The following KDM7A variants were observed in gnomAD, a reference collection of about 807,000 sequenced individuals.
KDM7A encodes the protein lysine demethylase 7A, also known as lysine-specific demethylase 7A.
Under a neutral mutation model 114.8 loss-of-function variants are expected in KDM7A, and 28 were observed. The ratio of observed to expected loss-of-function variants is 0.24; its 90% CI spans 0.18 to 0.33. The LOEUF is 0.33. Ranked by LOEUF, KDM7A falls within the 10% of genes least tolerant of loss-of-function variation. The pLI, the probability that KDM7A is intolerant of heterozygous loss-of-function variation, is 1.00. For synonymous variants in KDM7A, 423 were observed against 397.8 expected (o/e 1.06, Z -0.75); for missense variants, 942 against 1,142.5 (o/e 0.82, Z 2.53).
rs34647950 is a variant in KDM7A, at chr7:140,157,971, A to AAAAT, written c.194+18769_194+18772dup. ...GCCACAGAGCAAGACTCCGTCTCAA[A>AAAAT]AAATAAATAAATAAATAAATAAATA... On this transcript the variant is annotated intron_variant, in intron 1 of 19. Transcript: ENST00000397560. Among the ~76,000 whole-genome samples, 412 of 143,768 alleles carry AAAAT rather than the reference A, an allele frequency of 2.9e-3. 3 individuals are homozygous for AAAAT. Among genetic ancestry groups the AAAAT allele is most frequent in the African/African-American group, 8.4e-3 (325 of 38,558 alleles). 94.3% of individuals were successfully genotyped at this position (143,768 alleles called of 152,430 possible).
At chr7:140,141,668 CG>C (rs1794279340) in intron 1 of KDM7A, among the ~76,000 whole-genome samples, 1 of 151,694 alleles carries the variant, frequency 6.6e-6, no homozygotes, top group Non-Finnish European at 1.5e-5. Context: ...CCGAGGTGGG[CG>C]GATCACTTGA....
intron 1 of KDM7A, among the ~76,000 whole-genome samples, chr7:140,155,416 T>C (rs17192222): frequency 0.073 from 11,128 of 152,290 alleles, 487 homozygotes; most frequent in Non-Finnish European, 0.11. Context: ...ACAAGCACTC[T>C]GATTTCAAAA....
intron 1 of KDM7A, among the ~76,000 whole-genome samples, chr7:140,153,259 G>A (rs935348894): frequency 7.3e-5 from 11 of 151,676 alleles, no homozygotes; most frequent in African/African-American, 2.2e-4. Context: ...AGGCCGAGGC[G>A]GGCGGATCAC....
intron 18 of KDM7A, among the ~76,000 whole-genome samples, chr7:140,092,374 C>A (rs760760598): frequency 5.2e-4 from 79 of 152,240 alleles, no homozygotes; most frequent in Non-Finnish European, 9.8e-4. Flanking sequence ...CATGCCAACG[C>A]AGGGACCCTG....
At chr7:140,174,273 A>G (rs78858897) in intron 1 of KDM7A, among the ~76,000 whole-genome samples, 2,148 of 152,352 alleles carry the variant, frequency 0.014, 19 homozygotes, top group Middle Eastern at 0.034. Context: ...TCTGAACCAC[A>G]TAAGTTTCAA....
Position 140,176,086 on chromosome 7 carries a change from G to A in KDM7A, c.194+658C>T, listed in dbSNP as rs1438332008. ...CCCGGCACCTTTCAAGTCCCCGAGA[G>A]CGAGTGCCTCATCTGTTGCTCTGTT... On this transcript the variant is annotated intron_variant, in intron 1 of 19. Coordinates refer to ENST00000397560, the MANE Select transcript of KDM7A (RefSeq NM_030647.2). This position sits in a 1 kb window ranked among gnomAD's most constrained non-coding sequence, Gnocchi z 4.4. Among the ~76,000 whole-genome samples, 1 of 151,964 alleles carries A rather than the reference G, an allele frequency of 6.6e-6. No homozygotes were observed. Among genetic ancestry groups the A allele is most frequent in the Admixed American group, 6.5e-5 (1 of 15,298 alleles).
chr7:140,102,146 T>C lies in KDM7A; in HGVS notation c.1443A>G (p.Lys481=). Residue 481 remains lysine (K), a synonymous_variant, in exon 12 of 20, where the codon AAA becomes AAG. Coordinates refer to ENST00000397560, the MANE Select transcript of KDM7A (RefSeq NM_030647.2). ...VIRAIEEENG[K]PVKSQGIPIV... ...TAGGAATTCCCTGAGATTTAACTGG[T>C]TTGCCGTTTTCCTCCTTTAAGAATT... The C allele has an allele frequency of 1.2e-6, 2 of 1,613,558 alleles. No homozygotes were observed. The highest frequency in any genetic ancestry group is 1.7e-6 in the Non-Finnish European group (2 of 1,179,506).
chr7:140,149,474 G>A (rs1372212026), intron 1 of KDM7A, among the ~76,000 whole-genome samples: 6 of 152,248 alleles, frequency 3.9e-5, no homozygotes, highest in African/African-American at 1.2e-4. Context: ...TAAAGAAGGA[G>A]GAGGTGCTTT....
intron 9 of KDM7A, among the ~76,000 whole-genome samples, chr7:140,118,748 C>T (rs1818572524): frequency 6.6e-6 from 1 of 151,984 alleles, no homozygotes. Context: ...ATTTTGGGAA[C>T]ATATAATAGG....
rs73734796 is a variant in KDM7A, at chr7:140,088,949, C to T, written c.*2145G>A. 2,146 of 152,418 alleles carry T rather than the reference C, an allele frequency of 0.014. 55 individuals carry two copies. Among genetic ancestry groups the T allele is most frequent in the African/African-American group, 0.047 (1,936 of 41,338 alleles). 9.4% of individuals were successfully genotyped at this position (152,418 alleles called of 1,614,324 possible). On this transcript the variant is annotated 3_prime_UTR_variant, in exon 20 of 20. Coordinates refer to ENST00000397560, the MANE Select transcript of KDM7A (RefSeq NM_030647.2). ...GAAAATACTCAAGAGCTGTGAAAAA[C>T]GTAAAGGAAAAAAGAAAACCCAGAT...
chr7:140,176,729 A>G lies in KDM7A; in HGVS notation c.194+15T>C, dbSNP rs1386617191. On this transcript the variant is annotated intron_variant, in intron 1 of 19. Coordinates refer to ENST00000397560, the MANE Select transcript of KDM7A (RefSeq NM_030647.2). This position sits in a 1 kb window ranked among gnomAD's most constrained non-coding sequence, Gnocchi z 4.4. ...CCGGCGGTGGCGGCTGCGGGGCTGG[A>G]GGGGGTTTATTTACCTGCCGTGGAA... 2.3e-6 allele frequency: 3 copies of G among 1,291,994 alleles called. No homozygotes were observed. Among genetic ancestry groups the G allele is most frequent in the East Asian group, 4.4e-5 (1 of 22,762 alleles). The allele number at this position is 1,291,994 out of a possible 1,614,324, so 80.0% of individuals were successfully genotyped here. A position where few individuals can be genotyped will look rare whatever the true frequency, so the allele number is the denominator to read the frequency against.
At position 140,092,420 on chromosome 7, in the gene KDM7A, C is replaced by T. The variant is rs80303801; in HGVS notation, c.2458-343G>A. ...ATGGATCGATCTCCCACTTCCCTGG[C>T]AAGTCACAGCTCCCTTGGACCTCTC... On this transcript the variant is annotated intron_variant, in intron 18 of 19. Coordinates refer to ENST00000397560, the MANE Select transcript of KDM7A (RefSeq NM_030647.2). Among the ~76,000 whole-genome samples the T allele has an allele frequency of 8.5e-5, 13 of 152,320 alleles. No homozygotes were observed. The East Asian group carries it at 1.9e-3, about 23-fold the overall frequency.
At chr7:140,138,238 G>C (rs1483625139) in intron 2 of KDM7A, among the ~76,000 whole-genome samples, 1 of 151,968 alleles carries the variant, frequency 6.6e-6, no homozygotes, top group Non-Finnish European at 1.5e-5. Context: ...AGCCCAGGAA[G>C]TCAAGGCTGC....
rs554654648 is a variant in KDM7A, at chr7:140,085,787, T to C, written c.*5307A>G. The C allele has an allele frequency of 6.6e-6, 1 of 152,328 alleles. No individual in the cohort carries two copies. Among genetic ancestry groups the C allele is most frequent in the South Asian group, 2.1e-4 (1 of 4,826 alleles). The allele number at this position is 152,328 out of a possible 1,614,324, so 9.4% of individuals were successfully genotyped here. A position where few individuals can be genotyped will look rare whatever the true frequency, so the allele number is the denominator to read the frequency against. ...TTACACCTCAGGTCCCTGACTGTAATGTGGAAGTTATACGTAGCTCTGTAA... is the reference window on the plus strand; with the variant it reads ...TTACACCTCAGGTCCCTGACTGTAACGTGGAAGTTATACGTAGCTCTGTAA... On this transcript the variant is annotated 3_prime_UTR_variant, in exon 20 of 20. Coordinates refer to ENST00000397560, the MANE Select transcript of KDM7A (RefSeq NM_030647.2).
rs1817895167 is a variant in KDM7A, at chr7:140,084,815, C to G, written c.*6279G>C. On this transcript the variant is annotated 3_prime_UTR_variant, in exon 20 of 20. Coordinates refer to ENST00000397560, the MANE Select transcript of KDM7A (RefSeq NM_030647.2). ...ATACAATTTTCAACATTTATACTTT[C>G]AAACAAAATGAGCAAAAAATACACT... The G allele has an allele frequency of 1.3e-5, 2 of 152,058 alleles. No individual in the cohort carries two copies. The highest frequency in any genetic ancestry group is 6.6e-5 in the Admixed American group (1 of 15,266). The allele number at this position is 152,058 out of a possible 1,614,324, so 9.4% of individuals were successfully genotyped here. A position where few individuals can be genotyped will look rare whatever the true frequency, so the allele number is the denominator to read the frequency against.
chr7:140,150,086 C>T (rs1032122056), intron 1 of KDM7A, among the ~76,000 whole-genome samples: 3 of 152,148 alleles, frequency 2.0e-5, no homozygotes, highest in Admixed American at 2.0e-4. Flanking sequence ...TTCCCACCTC[C>T]CTTAACACTA....
intron 1 of KDM7A, among the ~76,000 whole-genome samples, chr7:140,174,625 G>T (rs969213252): frequency 1.3e-5 from 2 of 151,500 alleles, no homozygotes; most frequent in Non-Finnish European, 2.9e-5. Flanking sequence ...TTTTTGAGAC[G>T]GAGTCTCACT....
In KDM7A at chr7:140,129,502, G is replaced by A. The variant is rs1451814847; in HGVS notation, c.550C>T (p.Arg184Cys). Residue 184 changes from arginine (R) to cysteine (C), a missense_variant, in exon 4 of 20, where the codon CGT (arginine) becomes TGT (cysteine). Around this residue, in one of 4 missense-constraint regions of KDM7A, gnomAD observed 318 missense variants for 453.1 expected, o/e 0.70. Transcript: ENST00000397560. ...SPTFSVMDVE[R>C]YVGGDKVIDV... is the part of the protein sequence containing the mutation. ...GAAATAAAGTTCGTACCTACATAAC[G>A]TTCCACATCCATCACAGAAAATGTA... is the stretch of plus-strand genomic sequence containing the variant. 8.1e-6 allele frequency: 13 copies of A among 1,612,772 alleles called. No homozygotes were observed. In the East Asian group the frequency reaches 8.9e-5, roughly 11 times the overall value.
chr7:140,093,654 T>C (rs950959529), intron 18 of KDM7A, among the ~76,000 whole-genome samples: 6 of 152,226 alleles, frequency 3.9e-5, no homozygotes, highest in Non-Finnish European at 7.3e-5. Context: ...ATGTATTTTC[T>C]AGAAAGACAA....
Sources: gnomAD v4.1 joint callset for allele counts (sites outside exome capture counted in the v4.1 genomes callset) on GRCh38, gnomAD v4.1.1 for gene constraint, gnomAD v4.1.1 regional missense constraint, Gnocchi (gnomAD v3.1) non-coding constraint, MANE v1.5 for transcripts, NCBI Gene and HGNC (gene_info 2026-07-23, HGNC 2026-07-21) for gene names.